Variants in GFRA2 observed in about 807,000 individuals in gnomAD.
GFRA2 encodes GDNF family receptor alpha 2, also known as GDNF family receptor alpha-2.
GFRA2 carries 17 observed loss-of-function variants against 48.3 expected under a neutral mutation model. The ratio of observed to expected loss-of-function variants is 0.35; its 90% CI spans 0.24 to 0.53. GFRA2 has a LOEUF of 0.53. Ranked by LOEUF, GFRA2 falls within the 20% of genes least tolerant of loss-of-function variation. The pLI, the probability that GFRA2 is intolerant of heterozygous loss-of-function variation, is 0.93. For synonymous variants in GFRA2, 305 were observed against 257.2 expected, an observed-to-expected ratio of 1.19 and a Z score of -1.78; for missense variants, 660 against 637.3, an observed-to-expected ratio of 1.04 and a Z score of -0.38.
intron 4 of GFRA2, among the ~76,000 whole-genome samples, chr8:21,716,892 A>G (rs1803364529): frequency 6.6e-6 from 1 of 152,182 alleles, no homozygotes; most frequent in African/African-American, 2.4e-5. Context: ...CTTCAGGAAT[A>G]ATCAGGTAAG....
chr8:21,694,043 ATATATATATATT>A (rs1398783778), intron 8 of GFRA2, among the ~76,000 whole-genome samples: 1 of 58,646 alleles, frequency 1.7e-5, no homozygotes. Flanking sequence ...TATATATGAG[ATATATATATATT>A]TATATATATA....
intron 1 of GFRA2, 37 bp from the exon 2 acceptor site, chr8:21,782,936 G>A: frequency 6.6e-7 from 1 of 1,517,082 alleles, no homozygotes; most frequent in Admixed American, 2.0e-5. Context: ...ATGAATGACG[G>A]CCGCCACAAT....
chr8:21,718,293 G>A (rs1803431241), intron 4 of GFRA2, among the ~76,000 whole-genome samples: 1 of 152,204 alleles, frequency 6.6e-6, no homozygotes, highest in Non-Finnish European at 1.5e-5. Context: ...TGCTATTCAT[G>A]TAAGACGTGA....
At chr8:21,792,430 C>T (rs1297717463), upstream of GFRA2, among the ~76,000 whole-genome samples, 2 of 152,202 alleles carry the variant, frequency 1.3e-5, no homozygotes, top group African/African-American at 4.8e-5. Context: ...TGGGACAGAG[C>T]CTGATCCAGG....
intron 1 of GFRA2, 138 bp from the exon 2 acceptor site, chr8:21,783,037 C>A (rs1807090949): frequency 2.5e-6 from 2 of 793,458 alleles, no homozygotes; most frequent in African/African-American, 1.7e-5. Flanking sequence ...CTCTGTGGGA[C>A]AGCCCTCCTC....
chr8:21,776,945 A>G (rs1466132138), intron 2 of GFRA2, among the ~76,000 whole-genome samples: 1 of 152,168 alleles, frequency 6.6e-6, no homozygotes, highest in African/African-American at 2.4e-5. Context: ...AGGCCAAACA[A>G]TATAGGAACT....
intron 5 of GFRA2, 51 bp from the exon 6 acceptor site, chr8:21,705,176 C>A: frequency 1.3e-6 from 2 of 1,556,666 alleles, no homozygotes; most frequent in Non-Finnish European, 1.7e-6. Flanking sequence ...TGGGGCCTTC[C>A]CCTTGGGCCC....
Position 21,713,113 on chromosome 8 carries a change from T to C in GFRA2, c.795-7072A>G, listed in dbSNP as rs78526231. On this transcript the variant is annotated intron_variant, in intron 4 of 8. Coordinates refer to ENST00000524240, the MANE Select transcript of GFRA2 (RefSeq NM_001495.5). ...GAGGGAGAGGGAGAGCCAGTTTTTC[T>C]TTTTTATCCAGAATATTTATTTAAC... is the stretch of plus-strand genomic sequence containing the variant. Among the ~76,000 whole-genome samples, 705 of 152,306 alleles carry C rather than the reference T, an allele frequency of 4.6e-3. 6 individuals are homozygous for C. Among genetic ancestry groups the C allele is most frequent in the African/African-American group, 0.016 (680 of 41,576 alleles).
intron 4 of GFRA2, among the ~76,000 whole-genome samples, chr8:21,720,078 C>T (rs1486420719): frequency 6.6e-6 from 1 of 152,212 alleles, no homozygotes; most frequent in South Asian, 2.1e-4. Context: ...TGTTTCTCAG[C>T]CTCACAATCC....
chr8:21,793,409 G>C (rs76919264), upstream of GFRA2, among the ~76,000 whole-genome samples: 1 of 152,294 alleles, frequency 6.6e-6, no homozygotes, highest in East Asian at 1.9e-4. Context: ...GTCAGAGGCA[G>C]TGTAAGGATG....
chr8:21,802,232 T>C (rs1490681365), intron 2 of GFRA2, among the ~76,000 whole-genome samples: 1 of 152,242 alleles, frequency 6.6e-6, no homozygotes, highest in Non-Finnish European at 1.5e-5. Flanking sequence ...GGCTGTGCCT[T>C]GGTTAAAACA....
chr8:21,810,666 G>A (rs1183623117), intron 1 of GFRA2, among the ~76,000 whole-genome samples: 1 of 152,204 alleles, frequency 6.6e-6, no homozygotes, highest in Non-Finnish European at 1.5e-5. Flanking sequence ...CAGGCACTCA[G>A]TGGAGCCAGT....
intron 1 of GFRA2, chr8:21,784,376 C>A: frequency 4.4e-6 from 2 of 456,114 alleles, no homozygotes; most frequent in South Asian, 3.1e-5. Context: ...TTCCTCGACT[C>A]CATCTCGCCT....
intron 4 of GFRA2, among the ~76,000 whole-genome samples, chr8:21,732,227 A>G (rs1804234256): frequency 6.6e-6 from 1 of 152,238 alleles, no homozygotes; most frequent in African/African-American, 2.4e-5. Context: ...TGTCCCTTCC[A>G]GGGGACAAAC....
At chr8:21,780,234 C>T (rs994759671) in intron 2 of GFRA2, among the ~76,000 whole-genome samples, 4 of 152,052 alleles carry the variant, frequency 2.6e-5, no homozygotes, top group Non-Finnish European at 5.9e-5. Context: ...CTGCCCCATA[C>T]GATGGCCGAT....
intron 4 of GFRA2, among the ~76,000 whole-genome samples, chr8:21,740,586 A>G (rs1374965250): frequency 6.6e-6 from 1 of 152,144 alleles, no homozygotes; most frequent in African/African-American, 2.4e-5. Context: ...ATCCAGCACT[A>G]CTGGGCACTG....
intron 2 of GFRA2, among the ~76,000 whole-genome samples, chr8:21,801,946 G>A (rs967662574): frequency 1.3e-5 from 2 of 152,180 alleles, no homozygotes; most frequent in Admixed American, 6.5e-5. Flanking sequence ...TGCAGATGAG[G>A]GTGTGGCAGG....
At chr8:21,776,793 T>C (rs1205062677) in intron 2 of GFRA2, among the ~76,000 whole-genome samples, 2 of 152,010 alleles carry the variant, frequency 1.3e-5, no homozygotes, top group African/African-American at 4.8e-5. Flanking sequence ...TTACGGCCCA[T>C]ATCTGATCCC....
rs557816266 is a variant in GFRA2 at position 21,757,721 on chromosome 8, C to T, written c.440-6779G>A. Among the ~76,000 whole-genome samples the T allele has an allele frequency of 2.4e-4, 36 of 152,166 alleles. No individual in the cohort carries two copies. The South Asian group carries it at 2.7e-3, about 11-fold the overall frequency. Reference sequence around the variant, plus strand: ...TTTTGCCATGTTGGCCAGATGGTCTCGAACTCCTGGCCTCTGGTGATCCGC... The same window carrying T: ...TTTTGCCATGTTGGCCAGATGGTCTTGAACTCCTGGCCTCTGGTGATCCGC... On this transcript the variant is annotated intron_variant, in intron 3 of 8. Transcript: ENST00000524240.
Sources: allele counts gnomAD v4.1 joint callset (sites outside exome capture counted in the v4.1 genomes callset), GRCh38; gene constraint gnomAD v4.1.1; transcripts MANE v1.5; gene names NCBI Gene and HGNC (gene_info 2026-07-23, HGNC 2026-07-21).